The following PCBP3 variants were observed in gnomAD, a reference collection of about 807,000 sequenced individuals.
PCBP3 encodes the protein poly(rC) binding protein 3, also known as poly(rC)-binding protein 3.
A neutral mutation model predicts 52.7 loss-of-function variants in PCBP3; 25 were observed. That is an observed-to-expected ratio of 0.47 (90% CI 0.35 to 0.66). The LOEUF (loss-of-function observed/expected upper bound fraction) is 0.66, where lower values mean the gene tolerates loss of function less well. Among genes scored for constraint, PCBP3 ranks in the 30% least tolerant of loss-of-function variants. The probability of loss-of-function intolerance (pLI) is 0.01; values close to 1 mark genes in which losing one functional copy is unlikely to be tolerated. For missense variants in PCBP3, 391 were observed against 490.3 expected (o/e 0.80, Z 1.91); for synonymous variants, 162 against 183.0 (o/e 0.89, Z 0.93).
chr21:45,711,411 A>G (rs963572748), intron 2 of PCBP3, among the ~76,000 whole-genome samples: 1 of 152,180 alleles, frequency 6.6e-6, no homozygotes, highest in African/African-American at 2.4e-5. Flanking sequence ...ACTTGAATCC[A>G]TTGCCACACG....
intron 1 of PCBP3, among the ~76,000 whole-genome samples, chr21:45,664,861 T>C (rs1419290645): frequency 6.7e-6 from 1 of 149,264 alleles, no homozygotes; most frequent in Non-Finnish European, 1.5e-5. Flanking sequence ...AGTGAGAATA[T>C]GCGGTGTTTG....
chr21:45,844,488 G>A (rs2093764015), intron 4 of PCBP3, among the ~76,000 whole-genome samples: 5 of 152,176 alleles, frequency 3.3e-5, no homozygotes, highest in Admixed American at 3.3e-4. Flanking sequence ...ACACCTGCCA[G>A]GGTAGAATTC....
chr21:45,929,928 GC>G lies in PCBP3; in HGVS notation c.730del (p.Leu244SerfsTer37). The G allele has an allele frequency of 6.2e-7, 1 of 1,613,634 alleles. No individual in the cohort carries two copies. Among genetic ancestry groups the G allele is most frequent in the Non-Finnish European group, 8.5e-7 (1 of 1,179,762 alleles). On this transcript the variant is annotated frameshift_variant, in exon 14 of 18. Coordinates refer to ENST00000681687, the MANE Select transcript of PCBP3 (RefSeq NM_001384156.1). LOFTEE classifies it high-confidence loss of function. ...CCCTCCTACCCCAGCAGTTGACCAA[GC>G]TCCACCAGTTGGCCATGCAGCAAAC... ...AIPHPDQLTK[L>X]HQLAMQQTPF...
rs532071106 is a variant in PCBP3 at position 45,880,067 on chromosome 21, C to T, written c.11-16141C>T. On this transcript the variant is annotated intron_variant, in intron 5 of 17. Transcript: ENST00000681687. The surrounding 1 kb of genome is among the most constrained non-coding windows in gnomAD (Gnocchi z 5.4). ...AACGGTGGCAGTTCTCTGCTGTCTG[C>T]GTTTGTTGTGTGGCGTGAGAGTCCA... 6.6e-6 allele frequency among the ~76,000 whole-genome samples: 1 copy of T among 152,306 alleles called. No individual in the cohort carries two copies. The highest frequency in any genetic ancestry group is 2.1e-4 in the South Asian group (1 of 4,824).
intron 13 of PCBP3, chr21:45,918,049 G>T: frequency 3.7e-6 from 1 of 269,808 alleles, no homozygotes; most frequent in Non-Finnish European, 7.2e-6. Context: ...CACATTTGAG[G>T]GCCTGGTGAA....
chr21:45,838,111 G>A (rs976252959), intron 4 of PCBP3, among the ~76,000 whole-genome samples: 1 of 152,200 alleles, frequency 6.6e-6, no homozygotes, highest in Non-Finnish European at 1.5e-5. Flanking sequence ...GTTTCTGGAA[G>A]CCCCAGTGTT....
At chr21:45,714,532 T>C (rs1206890430) in intron 2 of PCBP3, among the ~76,000 whole-genome samples, 1 of 152,182 alleles carries the variant, frequency 6.6e-6, no homozygotes, top group Non-Finnish European at 1.5e-5. Context: ...GATAAGATTA[T>C]ACATTTGAAA....
chr21:45,938,011 G>A (rs1379020024), intron 16 of PCBP3, among the ~76,000 whole-genome samples: 2 of 152,254 alleles, frequency 1.3e-5, no homozygotes, highest in East Asian at 3.8e-4. Context: ...TGGGGAGATG[G>A]GCACCCTGAG....
In PCBP3 at chr21:45,910,988, C is replaced by G; in HGVS notation, c.558C>G (p.Ala186=). Residue 186 remains alanine (A), a synonymous_variant, in exon 11 of 18, where the codon GCC becomes GCG. Coordinates refer to ENST00000681687, the MANE Select transcript of PCBP3 (RefSeq NM_001384156.1). ...RAVTISGTPD[A]IIQCVKQICV... ...TGACCATCTCGGGGACCCCAGATGC[C>G]ATCATCCAGTGCGTCAAGCAGATCT... 6.2e-7 allele frequency: 1 copy of G among 1,612,076 alleles called. No homozygotes were observed. The highest frequency in any genetic ancestry group is 8.5e-7 in the Non-Finnish European group (1 of 1,179,906).
At chr21:45,794,455 A>C (rs1022579871) in intron 4 of PCBP3, among the ~76,000 whole-genome samples, 2 of 152,234 alleles carry the variant, frequency 1.3e-5, no homozygotes, top group African/African-American at 4.8e-5. Context: ...GAATAGGGAC[A>C]GATGCATGAC....
chr21:45,722,108 C>T (rs1478853468), intron 2 of PCBP3, among the ~76,000 whole-genome samples: 1 of 152,102 alleles, frequency 6.6e-6, no homozygotes, highest in Admixed American at 6.6e-5. Flanking sequence ...AACCCAAATA[C>T]CCAGTAATAA....
At chr21:45,723,696 C>T (rs1387332613) in intron 2 of PCBP3, among the ~76,000 whole-genome samples, 1 of 152,180 alleles carries the variant, frequency 6.6e-6, no homozygotes, top group Non-Finnish European at 1.5e-5. Context: ...GAAGGGGCTG[C>T]TGTCCCAGCA....
chr21:45,703,341 T>C (rs2083249144), intron 2 of PCBP3, among the ~76,000 whole-genome samples: 1 of 152,238 alleles, frequency 6.6e-6, no homozygotes, highest in African/African-American at 2.4e-5. Flanking sequence ...ACAAAATGTA[T>C]TTCTTAAGTA....
intron 4 of PCBP3, among the ~76,000 whole-genome samples, chr21:45,814,624 ATGAGTGGTGAGTGG>A (rs1246699301): frequency 9.7e-6 from 1 of 103,280 alleles, no homozygotes; most frequent in East Asian, 3.7e-4. Flanking sequence ...GTGGTGAGTG[ATGAGTGGTGAGTGG>A]TGAGTGAGTG....
At chr21:45,859,719 A>C (rs1467257309) in intron 5 of PCBP3, 1 of 152,308 alleles carries the variant, frequency 6.6e-6, no homozygotes, top group African/African-American at 2.4e-5. Context: ...TCCAGCACTG[A>C]GTGCGCCTTT....
At chr21:45,832,060 C>G (rs563569029) in intron 4 of PCBP3, among the ~76,000 whole-genome samples, 2 of 152,172 alleles carry the variant, frequency 1.3e-5, no homozygotes, top group East Asian at 3.9e-4. Context: ...CTACTTCATA[C>G]GCAGAGCAGC....
chr21:45,745,809 G>A (rs190447776), intron 3 of PCBP3, among the ~76,000 whole-genome samples: 1 of 152,378 alleles, frequency 6.6e-6, no homozygotes, highest in East Asian at 1.9e-4. Flanking sequence ...CAGGAGAGGA[G>A]TGAGTGAGGA....
At chr21:45,913,677 G>A (rs73157677) in intron 11 of PCBP3, among the ~76,000 whole-genome samples, 3,093 of 152,318 alleles carry the variant, frequency 0.02, 52 homozygotes, top group Non-Finnish European at 0.033. Context: ...GGGGCAGGCG[G>A]TACTCTCAGG....
chr21:45,783,889 G>T (rs760424395), intron 4 of PCBP3, among the ~76,000 whole-genome samples: 3 of 152,164 alleles, frequency 2.0e-5, no homozygotes, highest in African/African-American at 7.2e-5. Flanking sequence ...GGACCAGGCC[G>T]TGAGCAGGAC....
Sources: allele counts gnomAD v4.1 joint callset (sites outside exome capture counted in the v4.1 genomes callset), GRCh38; gene constraint gnomAD v4.1.1; non-coding constraint Gnocchi (gnomAD v3.1); transcripts MANE v1.5; gene names NCBI Gene and HGNC (gene_info 2026-07-23, HGNC 2026-07-21).